Variants in NELL1 observed in about 807,000 individuals in gnomAD.
NELL1 encodes neural EGFL like 1, also known as protein kinase C-binding protein NELL1.
NELL1 carries 76 observed loss-of-function variants against 107.4 expected under a neutral mutation model. The observed-to-expected ratio is 0.71, with a 90% CI of 0.59 to 0.86. NELL1 has a LOEUF of 0.86. Among genes scored for constraint, NELL1 ranks in the 40% least tolerant of loss-of-function variants. The pLI, the probability that NELL1 is intolerant of heterozygous loss-of-function variation, is 0.00. For missense variants in NELL1, 1,024 were observed against 1,005.5 expected (o/e 1.02, Z -0.25); for synonymous variants, 353 against 341.2 (o/e 1.03, Z -0.38).
intron 12 of NELL1, among the ~76,000 whole-genome samples, chr11:20,976,154 T>C (rs1057197764): frequency 1.0e-4 from 11 of 105,124 alleles, no homozygotes; most frequent in South Asian, 3.0e-4. Flanking sequence ...CATGTATATA[T>C]ATACACACAT....
At chr11:21,039,578 T>A (rs1213680625) in intron 12 of NELL1, among the ~76,000 whole-genome samples, 1 of 152,208 alleles carries the variant, frequency 6.6e-6, no homozygotes, top group African/African-American at 2.4e-5. Context: ...CTCATTGATT[T>A]TCTAGATGGA....
intron 14 of NELL1, among the ~76,000 whole-genome samples, chr11:21,321,872 T>A (rs1212604082): frequency 6.6e-6 from 1 of 152,250 alleles, no homozygotes; most frequent in East Asian, 1.9e-4. Flanking sequence ...ACAGGGTTTA[T>A]AGTCCAGCAG....
rs1458483952 is a variant in NELL1 at position 21,120,441 on chromosome 11, A to G, written c.1426+6727A>G. ...CCACATGAAATGGAACTAAAACAGA[A>G]CATTCCGCAACCTGATTGAGCAAAA... On this transcript the variant is annotated intron_variant, in intron 13 of 19. Coordinates refer to ENST00000357134, the MANE Select transcript of NELL1 (RefSeq NM_006157.5). Among the ~76,000 whole-genome samples the G allele has an allele frequency of 3.9e-5, 6 of 152,132 alleles. No individual in the cohort carries two copies. In the East Asian group the frequency reaches 1.2e-3, roughly 29 times the overall value.
chr11:21,486,004 C>T (rs952473325), intron 15 of NELL1, among the ~76,000 whole-genome samples: 2 of 152,112 alleles, frequency 1.3e-5, no homozygotes, highest in African/African-American at 4.8e-5. Flanking sequence ...ATCACAGCCA[C>T]CGCCAACATC....
intron 12 of NELL1, among the ~76,000 whole-genome samples, chr11:21,028,638 C>G (rs961328422): frequency 2.0e-5 from 3 of 152,068 alleles, no homozygotes; most frequent in African/African-American, 4.8e-5. Flanking sequence ...TATCCATGCT[C>G]TCTCTACCTC....
At chr11:20,727,344 C>A (rs192979576) in intron 2 of NELL1, among the ~76,000 whole-genome samples, 1 of 152,274 alleles carries the variant, frequency 6.6e-6, no homozygotes, top group Admixed American at 6.5e-5. Context: ...TCTGTGATTG[C>A]CAGTGATGAT....
At chr11:21,063,386 A>G (rs1853790166) in intron 12 of NELL1, among the ~76,000 whole-genome samples, 1 of 152,124 alleles carries the variant, frequency 6.6e-6, no homozygotes, top group African/African-American at 2.4e-5. Context: ...ATCACTGACC[A>G]TTTAGTTGAA....
chr11:20,974,943 C>T (rs1851574455), intron 12 of NELL1, among the ~76,000 whole-genome samples: 1 of 152,162 alleles, frequency 6.6e-6, no homozygotes, highest in South Asian at 2.1e-4. Flanking sequence ...AATTGCAACT[C>T]ATTTTTAGTG....
chr11:21,132,108 G>A (rs1290782921), intron 13 of NELL1, among the ~76,000 whole-genome samples: 1 of 152,192 alleles, frequency 6.6e-6, no homozygotes, highest in African/African-American at 2.4e-5. Context: ...ACAGAGCCAA[G>A]GCAGTAACAT....
chr11:20,941,031 C>T (rs1294111229), intron 10 of NELL1, among the ~76,000 whole-genome samples: 4 of 152,014 alleles, frequency 2.6e-5, no homozygotes, highest in South Asian at 2.1e-4. Flanking sequence ...CCCAGCTACT[C>T]GGGAGGCAGA....
intron 2 of NELL1, among the ~76,000 whole-genome samples, chr11:20,762,976 G>A (rs1362097466): frequency 6.6e-6 from 1 of 151,830 alleles, no homozygotes; most frequent in Non-Finnish European, 1.5e-5. Flanking sequence ...AAAGTAAGCC[G>A]AAACACTTTA....
At chr11:21,270,954 TA>T (rs1848727268) in intron 14 of NELL1, among the ~76,000 whole-genome samples, 2 of 152,006 alleles carry the variant, frequency 1.3e-5, no homozygotes, top group African/African-American at 4.8e-5. Context: ...CAAAAGAAAT[TA>T]AAAATATTTT....
intron 15 of NELL1, among the ~76,000 whole-genome samples, chr11:21,533,800 A>G (rs911524133): frequency 8.5e-5 from 13 of 152,210 alleles, no homozygotes; most frequent in Non-Finnish European, 1.9e-4. Context: ...TAGTTTTGCA[A>G]GATATTAAAG....
rs561759803 is a variant in NELL1 at position 21,358,321 on chromosome 11, C to G, written c.1550-12532C>G. On this transcript the variant is annotated intron_variant, in intron 14 of 19. Coordinates refer to ENST00000357134, the MANE Select transcript of NELL1 (RefSeq NM_006157.5). ...TGTTTGTGTCATCTATAATTTCTTT[C>G]AGCAATGTTTTGTAGTTTTTCTTGT... Among the ~76,000 whole-genome samples the G allele has an allele frequency of 6.4e-4, 97 of 152,162 alleles. 1 individual carries two copies. Among genetic ancestry groups the G allele is most frequent in the African/African-American group, 2.3e-3 (95 of 41,488 alleles).
At chr11:21,260,212 G>C (rs1447120456) in intron 14 of NELL1, 1 of 151,844 alleles carries the variant, frequency 6.6e-6, no homozygotes, top group Non-Finnish European at 1.5e-5. Flanking sequence ...CCATTATTAT[G>C]TTCATTTCAT....
At chr11:20,729,274 T>G (rs1183900768) in intron 2 of NELL1, among the ~76,000 whole-genome samples, 1 of 152,188 alleles carries the variant, frequency 6.6e-6, no homozygotes, top group Non-Finnish European at 1.5e-5. Flanking sequence ...AACTTCTTTT[T>G]TGACCTATTT....
intron 14 of NELL1, among the ~76,000 whole-genome samples, chr11:21,269,709 T>A (rs1409217301): frequency 6.6e-6 from 1 of 151,926 alleles, no homozygotes; most frequent in East Asian, 1.9e-4. Flanking sequence ...AAGAGGAAAA[T>A]CATATAGTTC....
intron 15 of NELL1, among the ~76,000 whole-genome samples, chr11:21,382,369 A>G (rs527949839): frequency 6.6e-6 from 1 of 152,102 alleles, no homozygotes; most frequent in Non-Finnish European, 1.5e-5. Flanking sequence ...ATTGTCTATC[A>G]AAACTCTGGC....
At chr11:21,426,937 G>T (rs2133828948) in intron 15 of NELL1, among the ~76,000 whole-genome samples, 1 of 152,212 alleles carries the variant, frequency 6.6e-6, no homozygotes, top group South Asian at 2.1e-4. Flanking sequence ...GAAATTGCAA[G>T]CACAGAAGGC....
Sources: allele counts gnomAD v4.1 joint callset (sites outside exome capture counted in the v4.1 genomes callset), GRCh38; gene constraint gnomAD v4.1.1; transcripts MANE v1.5; gene names NCBI Gene and HGNC (gene_info 2026-07-23, HGNC 2026-07-21).